Variants in RMDN1 observed in about 807,000 individuals in gnomAD.
RMDN1 encodes the protein regulator of microtubule dynamics protein 1.
Under a neutral mutation model 48.9 loss-of-function variants are expected in RMDN1, and 48 were observed. The observed-to-expected ratio is 0.98, with a 90% CI of 0.78 to 1.25. The LOEUF (loss-of-function observed/expected upper bound fraction) is 1.25, where lower values mean the gene tolerates loss of function less well. Among genes scored for constraint, RMDN1 ranks in the 50% most tolerant of loss-of-function variants. The probability of loss-of-function intolerance (pLI) is 0.00; values close to 1 mark genes in which losing one functional copy is unlikely to be tolerated. For synonymous variants in RMDN1, 148 were observed against 132.6 expected, an observed-to-expected ratio of 1.12 and a Z score of -0.80; for missense variants, 418 against 373.4, an observed-to-expected ratio of 1.12 and a Z score of -0.98.
At chr8:86,479,153 C>A (rs1272318757) in intron 6 of RMDN1, 143 bp from the exon 7 acceptor site, 8 of 609,286 alleles carry the variant, frequency 1.3e-5, no homozygotes, top group African/African-American at 7.5e-5. Context: ...ACTAGGTAAT[C>A]CAGAGATTGA....
chr8:86,503,286 A>G (rs1818590025), intron 2 of RMDN1, among the ~76,000 whole-genome samples: 1 of 151,134 alleles, frequency 6.6e-6, no homozygotes, highest in Admixed American at 6.6e-5. Context: ...TGGAAGGCAG[A>G]GGTTGCAGGG....
intron 2 of RMDN1, among the ~76,000 whole-genome samples, chr8:86,491,210 C>T (rs2130935689): frequency 6.6e-6 from 1 of 152,190 alleles, no homozygotes; most frequent in East Asian, 1.9e-4. Flanking sequence ...TGTCGGCTCA[C>T]TGCAACCTCT....
At position 86,473,831 on chromosome 8, in the gene RMDN1, G is replaced by A. The variant is rs1182111117; in HGVS notation, c.*477C>T. 2 of 985,800 alleles carry A rather than the reference G, an allele frequency of 2.0e-6. No homozygotes were observed. The highest frequency in any genetic ancestry group is 3.5e-5 in the African/African-American group (2 of 57,214). The allele number at this position is 985,800 out of a possible 1,614,324, so 61.1% of individuals were successfully genotyped here. On this transcript the variant is annotated 3_prime_UTR_variant, in exon 10 of 10. Coordinates refer to ENST00000406452, the MANE Select transcript of RMDN1 (RefSeq NM_016033.3). ...CCTTACTTAGTTCTTTACTTACACA[G>A]GTTAGCTCCAAGATATATCATTTAA...
chr8:86,485,922 C>T (rs1311630424), intron 4 of RMDN1, among the ~76,000 whole-genome samples: 3 of 152,342 alleles, frequency 2.0e-5, no homozygotes, highest in Non-Finnish European at 4.4e-5. Context: ...GGTCCAACTT[C>T]ACCCTGCCTT....
Position 86,473,558 on chromosome 8 carries a change from G to A in RMDN1, c.*750C>T, listed in dbSNP as rs886241843. Reference sequence around the variant, plus strand: ...AGGCGGGCAGATCACTTGAGGCCAGGAGTTTGAGACCAGCCTAGCCAACAT... The same window carrying A: ...AGGCGGGCAGATCACTTGAGGCCAGAAGTTTGAGACCAGCCTAGCCAACAT... On this transcript the variant is annotated 3_prime_UTR_variant, in exon 10 of 10. Coordinates refer to ENST00000406452, the MANE Select transcript of RMDN1 (RefSeq NM_016033.3). 11 of 660,576 alleles carry A rather than the reference G, an allele frequency of 1.7e-5. No individual in the cohort carries two copies. In the East Asian group the frequency reaches 9.5e-4, roughly 57 times the overall value. The allele number at this position is 660,576 out of a possible 1,614,324, so 40.9% of individuals were successfully genotyped here.
At chr8:86,495,615 C>T (rs1817207861) in intron 2 of RMDN1, among the ~76,000 whole-genome samples, 1 of 152,086 alleles carries the variant, frequency 6.6e-6, no homozygotes, top group South Asian at 2.1e-4. Context: ...CTCCCAGGGT[C>T]CCTGCCTGGC....
intron 2 of RMDN1, among the ~76,000 whole-genome samples, chr8:86,498,409 G>A (rs1210154594): frequency 6.6e-6 from 1 of 152,110 alleles, no homozygotes; most frequent in African/African-American, 2.4e-5. Flanking sequence ...CTCATTCCAT[G>A]AGGCCAGCAT....
chr8:86,495,182 C>A (rs1817139260), intron 2 of RMDN1, among the ~76,000 whole-genome samples: 1 of 152,022 alleles, frequency 6.6e-6, no homozygotes, highest in Non-Finnish European at 1.5e-5. Flanking sequence ...GACACAGACC[C>A]TGAATCTGAA....
chr8:86,505,237 G>GT (rs979073835), intron 2 of RMDN1: 24 of 562,984 alleles, frequency 4.3e-5, no homozygotes, highest in Admixed American at 2.7e-4. Context: ...ATTTTCAATG[G>GT]TTTTTTAAAT....
chr8:86,505,110 C>T, intron 2 of RMDN1: 1 of 1,360,126 alleles, frequency 7.4e-7, no homozygotes, highest in Middle Eastern at 2.4e-4. Flanking sequence ...GGAAAGCCAC[C>T]TCTCCCTGAA....
intron 8 of RMDN1, among the ~76,000 whole-genome samples, chr8:86,476,605 A>T (rs747110256): frequency 6.6e-6 from 1 of 152,224 alleles, no homozygotes; most frequent in Non-Finnish European, 1.5e-5. Flanking sequence ...CAAAACAAAC[A>T]TAACCCGAAA....
At chr8:86,470,365 G>A (rs1384969506), downstream of RMDN1, 1 of 1,289,136 alleles carries the variant, frequency 7.8e-7, no homozygotes, top group East Asian at 5.6e-5. Context: ...CTCACCCTTA[G>A]TGGGGAAACG....
intron 5 of RMDN1, chr8:86,482,957 C>A (rs1188800265): frequency 2.6e-6 from 2 of 761,722 alleles, no homozygotes; most frequent in Non-Finnish European, 4.7e-6. Flanking sequence ...AGGTCCCCGG[C>A]GGACTGTGGC....
chr8:86,489,020 T>C (rs1397732687), intron 2 of RMDN1, among the ~76,000 whole-genome samples: 2 of 152,248 alleles, frequency 1.3e-5, no homozygotes, highest in Non-Finnish European at 2.9e-5. Flanking sequence ...AAAGCTGTCC[T>C]GGGCTCCATG....
chr8:86,468,571 G>A, downstream of RMDN1: 2 of 429,736 alleles, frequency 4.7e-6, no homozygotes, highest in Admixed American at 5.4e-5. Context: ...TGCCATGACA[G>A]AAGTTATTGA....
chr8:86,504,982 C>T, intron 2 of RMDN1: 1 of 1,449,134 alleles, frequency 6.9e-7, no homozygotes, highest in Non-Finnish European at 9.6e-7. Context: ...AAAAGGCAGG[C>T]ACATGGTGCA....
chr8:86,508,425 A>T, intron 1 of RMDN1, 67 bp downstream of exon 1: 1 of 1,469,350 alleles, frequency 6.8e-7, no homozygotes, highest in Non-Finnish European at 9.1e-7. Context: ...GCCACCACTT[A>T]AGTTAAGGGG....
At chr8:86,497,292 T>C (rs1411822461) in intron 2 of RMDN1, among the ~76,000 whole-genome samples, 3 of 152,028 alleles carry the variant, frequency 2.0e-5, no homozygotes, top group Non-Finnish European at 2.9e-5. Context: ...AATTAAGAGC[T>C]GAACTGAACT....
intron 2 of RMDN1, among the ~76,000 whole-genome samples, chr8:86,498,773 C>T (rs899520281): frequency 6.6e-6 from 1 of 151,926 alleles, no homozygotes; most frequent in East Asian, 1.9e-4. Flanking sequence ...AGAGTGAGAC[C>T]CTGTCTTAAG....
Sources: allele counts gnomAD v4.1 joint callset (sites outside exome capture counted in the v4.1 genomes callset), GRCh38; gene constraint gnomAD v4.1.1; transcripts MANE v1.5; gene names NCBI Gene and HGNC (gene_info 2026-07-23, HGNC 2026-07-21).